Variants in RHPN2 observed in about 807,000 individuals in gnomAD.
The protein encoded by RHPN2 is rhophilin-2.
Under a neutral mutation model 79.0 loss-of-function variants are expected in RHPN2, and 40 were observed. The observed-to-expected ratio is 0.51, with a 90% CI of 0.39 to 0.66. RHPN2 has a LOEUF of 0.66. Ranked by LOEUF, RHPN2 falls within the 30% of genes least tolerant of loss-of-function variation. The pLI is 0.00. For synonymous variants in RHPN2, 285 were observed against 363.5 expected (o/e 0.78, Z 2.46); for missense variants, 686 against 883.5 (o/e 0.78, Z 2.83).
intron 7 of RHPN2, among the ~76,000 whole-genome samples, chr19:33,003,595 T>A (rs185343076): frequency 6.6e-6 from 1 of 151,818 alleles, no homozygotes; most frequent in African/African-American, 2.4e-5. Flanking sequence ...CATGAGCAGA[T>A]GAATGATTAA....
chr19:32,989,411 C>T (rs1454681988), intron 14 of RHPN2, among the ~76,000 whole-genome samples: 2 of 152,020 alleles, frequency 1.3e-5, no homozygotes, highest in Non-Finnish European at 2.9e-5. Flanking sequence ...CCTGGCCTCA[C>T]GTGGGGAAAA....
At position 33,041,459 on chromosome 19, in the gene RHPN2, T is replaced by G. The variant is rs529102489; in HGVS notation, c.185+2790A>C. Among the ~76,000 whole-genome samples, 4 of 152,252 alleles carry G rather than the reference T, an allele frequency of 2.6e-5. No homozygotes were observed. The East Asian group carries it at 7.7e-4, about 29-fold the overall frequency. ...CCTTCAGGGTTTCCTCTGACAACAT[T>G]CTCCAGCAAGGGGTACTTTGAACCT... On this transcript the variant is annotated intron_variant, in intron 2 of 14. Coordinates refer to ENST00000254260, the MANE Select transcript of RHPN2 (RefSeq NM_033103.5).
chr19:33,047,129 A>T (rs1263242408), intron 1 of RHPN2, among the ~76,000 whole-genome samples: 2 of 152,072 alleles, frequency 1.3e-5, no homozygotes. Context: ...CCAAAGTGCT[A>T]GTCTTACAGG....
chr19:33,030,925 G>T (rs1467690004), intron 2 of RHPN2, among the ~76,000 whole-genome samples: 1 of 152,176 alleles, frequency 6.6e-6, no homozygotes, highest in East Asian at 1.9e-4. Flanking sequence ...GAGAGAGGGG[G>T]ATACTTGTGC....
chr19:33,004,776 G>A (rs1294788893), intron 7 of RHPN2, among the ~76,000 whole-genome samples: 11 of 151,518 alleles, frequency 7.3e-5, no homozygotes, highest in African/African-American at 2.4e-4. Context: ...TAGTACAGAC[G>A]GGGTTTCACC....
intron 9 of RHPN2, among the ~76,000 whole-genome samples, chr19:33,000,313 C>T (rs146321743): frequency 3.3e-5 from 5 of 151,684 alleles, no homozygotes; most frequent in African/African-American, 1.2e-4. Context: ...CTCCACCTCC[C>T]GGGTTCAAGC....
In RHPN2 at chr19:33,011,725, T is replaced by C. The variant is rs1284176267; in HGVS notation, c.547A>G (p.Ser183Gly). ...TYFIQLGFVE[S>G]RFFPPTRQMG... ...TGCCGTGTGGGCGGGAAGAATCGAC[T>C]CTCGACAAAGCCCAGCTGGATGAAG... The change falls in exon 6 of 15, where the codon AGT (serine) becomes GGT (glycine). Residue 183 changes from serine (S) to glycine (G), a missense_variant. Transcript: ENST00000254260. The C allele has an allele frequency of 1.2e-6, 2 of 1,613,790 alleles. No individual in the cohort carries two copies. The highest frequency in any genetic ancestry group is 3.3e-5 in the Admixed American group (2 of 59,972).
Position 33,023,302 on chromosome 19 carries a change from A to T in RHPN2, c.315-1656T>A, listed in dbSNP as rs11882661. 1.1e-4 allele frequency among the ~76,000 whole-genome samples: 17 copies of T among 151,600 alleles called. No individual in the cohort carries two copies. The South Asian group carries it at 3.1e-3, about 28-fold the overall frequency. Reference sequence around the variant, plus strand: ...ATACAAAAACTACCTGGGCATGGTGATGTGTGCCTGTAATCCCAGCTACTC... The same window carrying T: ...ATACAAAAACTACCTGGGCATGGTGTTGTGTGCCTGTAATCCCAGCTACTC... On this transcript the variant is annotated intron_variant, in intron 3 of 14. Coordinates refer to ENST00000254260, the MANE Select transcript of RHPN2 (RefSeq NM_033103.5).
At chr19:33,025,749 T>C (rs1221207065) in intron 3 of RHPN2, among the ~76,000 whole-genome samples, 3 of 152,370 alleles carry the variant, frequency 2.0e-5, no homozygotes, top group Admixed American at 6.5e-5. Flanking sequence ...GGTATTGTCC[T>C]AACAATGTCC....
chr19:33,032,859 T>C (rs1029545843), intron 2 of RHPN2, among the ~76,000 whole-genome samples: 2 of 152,172 alleles, frequency 1.3e-5, no homozygotes, highest in African/African-American at 4.8e-5. Context: ...TCCTATTGCC[T>C]GCCAGGAAGC....
At chr19:32,992,294 C>T (rs1599808391) in intron 12 of RHPN2, 1 of 305,190 alleles carries the variant, frequency 3.3e-6, no homozygotes. Context: ...GCCTCTGCCT[C>T]CCGGGTTCAA....
intron 2 of RHPN2, chr19:33,027,122 T>G (rs1971974526): frequency 3.9e-6 from 1 of 253,288 alleles, no homozygotes; most frequent in Non-Finnish European, 7.8e-6. Context: ...TAGCTGGGTG[T>G]GGTGGTGCAT....
In RHPN2 at chr19:33,044,284, G is replaced by A. The variant is rs140849987; in HGVS notation, c.150C>T (p.Ala50=). 26 of 1,613,886 alleles carry A rather than the reference G, an allele frequency of 1.6e-5. No individual in the cohort carries two copies. Among genetic ancestry groups the A allele is most frequent in the Middle Eastern group, 1.6e-4 (1 of 6,082 alleles). The change falls in exon 2 of 15, where the codon GCC becomes GCT. Residue 50 remains alanine, a synonymous_variant. Transcript: ENST00000254260. ...TTTCCGCTCCGGTCCTCATCCGCAC[G>A]GCTTTCAGGATCTGCTGATTCAAAG... ...RAALNQQILK[A]VRMRTGAENL...
chr19:33,018,605 C>T (rs1040634158), intron 4 of RHPN2, among the ~76,000 whole-genome samples: 24 of 152,144 alleles, frequency 1.6e-4, no homozygotes, highest in African/African-American at 5.8e-4. Context: ...AGAATACCAA[C>T]TTCCCTTCTC....
intron 1 of RHPN2, among the ~76,000 whole-genome samples, chr19:33,050,710 C>T (rs1255508298): frequency 6.6e-6 from 1 of 152,180 alleles, no homozygotes; most frequent in Non-Finnish European, 1.5e-5. Flanking sequence ...CAGAGTTTCG[C>T]TCTTGTTGCC....
intron 2 of RHPN2, chr19:33,027,159 C>T (rs112092968): frequency 0.083 from 15,574 of 188,136 alleles, 879 homozygotes; most frequent in African/African-American, 0.17. Flanking sequence ...ATGCAGAAGG[C>T]TGAGGCTTGA....
chr19:32,980,302 T>C, intron 14 of RHPN2, 46 bp from the exon 15 acceptor site: 1 of 1,613,294 alleles, frequency 6.2e-7, no homozygotes, highest in Non-Finnish European at 8.5e-7. Context: ...ATCATCAAGA[T>C]AGATGATAAA....
chr19:33,030,021 C>T (rs373906839), intron 2 of RHPN2, among the ~76,000 whole-genome samples: 7 of 152,186 alleles, frequency 4.6e-5, no homozygotes. Context: ...ATTCTGGATT[C>T]CCAGAAGGAA....
chr19:33,035,833 C>A (rs937965215), intron 2 of RHPN2, among the ~76,000 whole-genome samples: 25 of 152,072 alleles, frequency 1.6e-4, no homozygotes, highest in African/African-American at 5.1e-4. Context: ...ATAATAATAT[C>A]GGGCCGGGCG....
Sources: allele counts gnomAD v4.1 joint callset (sites outside exome capture counted in the v4.1 genomes callset), GRCh38; gene constraint gnomAD v4.1.1; transcripts MANE v1.5; gene names NCBI Gene and HGNC (gene_info 2026-07-23, HGNC 2026-07-21).